CCDC7: variants seen among roughly 807,000 people sequenced by gnomAD.
CCDC7 encodes the protein coiled-coil domain-containing protein 7.
In CCDC7, 183 loss-of-function variants were observed where a neutral mutation model predicts 196.9. That is an observed-to-expected ratio of 0.93 (90% CI 0.82 to 1.05). The LOEUF (loss-of-function observed/expected upper bound fraction) is 1.05. CCDC7 is among the 50% of genes least tolerant of loss of function. The pLI is 0.00. For synonymous variants in CCDC7, 525 were observed against 484.6 expected, an observed-to-expected ratio of 1.08 and a Z score of -1.10; for missense variants, 1,540 against 1,482.2, an observed-to-expected ratio of 1.04 and a Z score of -0.64.
chr10:32,715,224 CTGCAG>C lies in CCDC7; in HGVS notation c.2569+3495_2569+3499del, dbSNP rs138440459. Among the ~76,000 whole-genome samples the C allele has an allele frequency of 3.9e-3, 601 of 152,334 alleles. 3 individuals are homozygous for C. Among genetic ancestry groups the C allele is most frequent in the African/African-American group, 0.013 (559 of 41,584 alleles). On this transcript the variant is annotated intron_variant, in intron 25 of 41. Transcript: ENST00000639629. Reference sequence around the variant, plus strand: ...AGAGCAGGCAGCAATCTTTACTGTTCTGCAGCCTCCGCTGGTGATACCCAGGCAAA... The same window carrying C: ...AGAGCAGGCAGCAATCTTTACTGTTCCCTCCGCTGGTGATACCCAGGCAAA...
chr10:32,757,912 C>T (rs1019163878), intron 28 of CCDC7, among the ~76,000 whole-genome samples: 5 of 152,066 alleles, frequency 3.3e-5, no homozygotes, highest in East Asian at 1.9e-4. Context: ...AAATGATAAA[C>T]GGGATATCAC....
chr10:32,672,466 A>G (rs1413569247), intron 21 of CCDC7, among the ~76,000 whole-genome samples: 1 of 152,128 alleles, frequency 6.6e-6, no homozygotes, highest in Non-Finnish European at 1.5e-5. Context: ...TTACTTGCAG[A>G]GTGGCTATGT....
At chr10:32,518,371 T>A (rs747681382) in intron 10 of CCDC7, 45 bp from the exon 12 acceptor site, 19 of 1,520,914 alleles carry the variant, frequency 1.2e-5, no homozygotes, top group Non-Finnish European at 1.7e-5. Context: ...CCTTTCTACA[T>A]TGAGAGTTTT....
At chr10:32,567,773 A>G in exon 15 of CCDC7, 1 of 1,613,724 alleles carries the variant, frequency 6.2e-7, no homozygotes. Context: ...GGTAATAGTC[A>G]AACAAAAGTT....
intron 41 of CCDC7, among the ~76,000 whole-genome samples, chr10:32,873,872 A>G (rs1034351399): frequency 3.3e-5 from 5 of 151,926 alleles, no homozygotes; most frequent in South Asian, 2.1e-4. Context: ...TCATTTATCT[A>G]TGTCCTTGCC....
intron 25 of CCDC7, among the ~76,000 whole-genome samples, chr10:32,721,187 G>A (rs2082363569): frequency 6.6e-6 from 1 of 152,148 alleles, no homozygotes; most frequent in Non-Finnish European, 1.5e-5. Context: ...AACTTTGGTT[G>A]AACTTTATAA....
chr10:32,846,117 C>T (rs2093281411), intron 36 of CCDC7, among the ~76,000 whole-genome samples, 158 bp downstream of exon 37: 2 of 151,924 alleles, frequency 1.3e-5, no homozygotes, highest in Non-Finnish European at 1.5e-5. Flanking sequence ...ACTATCAATG[C>T]ACAATTAAAG....
chr10:32,729,209 C>T (rs978128478), intron 27 of CCDC7, 123 bp from the exon 29 acceptor site: 44 of 995,620 alleles, frequency 4.4e-5, no homozygotes, highest in Non-Finnish European at 6.3e-5. Flanking sequence ...AGTATCACTG[C>T]CTCCACACAT....
In CCDC7 at chr10:32,640,415, A is replaced by G. The variant is rs186821554; in HGVS notation, c.2014+5257A>G. On this transcript the variant is annotated intron_variant, in intron 20 of 41. Coordinates refer to ENST00000639629, the Ensembl canonical transcript of CCDC7. The stretch of plus-strand genomic sequence containing the variant: ...GCCTATGTGTGTCTCTGCACGTGAG[A>G]TGGGTGTCCTGAATACAGCACACTG... Among the ~76,000 whole-genome samples, 1,203 of 152,154 alleles carry G rather than the reference A, an allele frequency of 7.9e-3. 7 individuals are homozygous for G. Among genetic ancestry groups the G allele is most frequent in the Middle Eastern group, 0.02 (6 of 294 alleles).
intron 29 of CCDC7, among the ~76,000 whole-genome samples, chr10:32,792,367 ATAAC>A (rs1447245240): frequency 6.6e-6 from 1 of 152,250 alleles, no homozygotes; most frequent in Non-Finnish European, 1.5e-5. Context: ...ATTGTCAGAA[ATAAC>A]TAAAGCTACA....
At chr10:32,832,448 A>G (rs2092278934) in intron 32 of CCDC7, among the ~76,000 whole-genome samples, 1 of 152,140 alleles carries the variant, frequency 6.6e-6, no homozygotes, top group Non-Finnish European at 1.5e-5. Context: ...GTTTGCAGTG[A>G]GCCAAGATGA....
upstream of CCDC7, among the ~76,000 whole-genome samples, chr10:32,445,960 G>A (rs2030809759): frequency 6.6e-6 from 1 of 152,192 alleles, no homozygotes; most frequent in Non-Finnish European, 1.5e-5. Context: ...ATTACACTTG[G>A]GAGAGAATAA....
chr10:32,795,255 C>A (rs1482303611), intron 29 of CCDC7, among the ~76,000 whole-genome samples: 1 of 152,092 alleles, frequency 6.6e-6, no homozygotes, highest in Non-Finnish European at 1.5e-5. Context: ...AATCTTCGTT[C>A]CATGTCATTC....
intron 25 of CCDC7, among the ~76,000 whole-genome samples, chr10:32,717,012 C>A (rs2081702550): frequency 6.6e-6 from 1 of 152,156 alleles, no homozygotes; most frequent in African/African-American, 2.4e-5. Context: ...GACTTGAACT[C>A]AGCTCTGCAC....
At chr10:32,609,585 T>C (rs1316898780) in intron 18 of CCDC7, among the ~76,000 whole-genome samples, 2 of 152,210 alleles carry the variant, frequency 1.3e-5, no homozygotes, top group Non-Finnish European at 2.9e-5. Flanking sequence ...AAGGTTACTG[T>C]TGATACACAA....
chr10:32,751,646 T>C lies in CCDC7; in HGVS notation c.2905+22189T>C, dbSNP rs558543996. Among the ~76,000 whole-genome samples, 15 of 152,310 alleles carry C rather than the reference T, an allele frequency of 9.8e-5. 1 individual carries two copies. The highest frequency in any genetic ancestry group is 3.4e-3 in the Middle Eastern group (1 of 294). On this transcript the variant is annotated intron_variant, in intron 28 of 41. Coordinates refer to ENST00000639629, the Ensembl canonical transcript of CCDC7. ...TATGATATCCTGTAAATCAAGACTG[T>C]AGCCTCTCAGGGTGTTTTCTATCAG...
chr10:32,733,134 T>C (rs1005541572), intron 28 of CCDC7, among the ~76,000 whole-genome samples: 2 of 152,106 alleles, frequency 1.3e-5, no homozygotes, highest in African/African-American at 2.4e-5. Flanking sequence ...TTATTACTCA[T>C]ATCTGTTATA....
intron 24 of CCDC7, among the ~76,000 whole-genome samples, chr10:32,709,419 T>G (rs1374440967): frequency 2.0e-5 from 3 of 152,006 alleles, no homozygotes; most frequent in Non-Finnish European, 4.4e-5. Flanking sequence ...TGTATACATA[T>G]GTAATAATCC....
At chr10:32,814,057 G>C (rs890393527) in intron 30 of CCDC7, among the ~76,000 whole-genome samples, 1 of 152,048 alleles carries the variant, frequency 6.6e-6, no homozygotes, top group Non-Finnish European at 1.5e-5. Flanking sequence ...TCCTGGGTTT[G>C]AGTGATTCTT....
Sources: gnomAD v4.1 joint callset for allele counts (sites outside exome capture counted in the v4.1 genomes callset) on GRCh38, gnomAD v4.1.1 for gene constraint, MANE v1.5 for transcripts, NCBI Gene and HGNC (gene_info 2026-07-23, HGNC 2026-07-21) for gene names.